CUL1: variants seen among roughly 807,000 people sequenced by gnomAD.
CUL1 encodes cullin 1.
A neutral mutation model predicts 118.0 loss-of-function variants in CUL1; 24 were observed. That is an observed-to-expected ratio of 0.20 (90% CI 0.15 to 0.29). The LOEUF (loss-of-function observed/expected upper bound fraction) is 0.29. Ranked by LOEUF, CUL1 falls within the 10% of genes least tolerant of loss-of-function variation. The pLI is 1.00. For synonymous variants in CUL1, 332 were observed against 340.4 expected (o/e 0.98, Z 0.27); for missense variants, 361 against 933.8 (o/e 0.39, Z 7.99).
intron 1 of CUL1, among the ~76,000 whole-genome samples, chr7:148,718,420 G>T (rs897618184): frequency 6.6e-6 from 1 of 152,106 alleles, no homozygotes; most frequent in Non-Finnish European, 1.5e-5. Flanking sequence ...CTACTAACCT[G>T]CTTTGTCTCT....
chr7:148,778,153 C>G (rs1178802877), intron 9 of CUL1, among the ~76,000 whole-genome samples: 2 of 141,804 alleles, frequency 1.4e-5, no homozygotes, highest in Admixed American at 1.5e-4. Context: ...GTGTTTTTGT[C>G]TCAGTATTTT....
intron 14 of CUL1, among the ~76,000 whole-genome samples, chr7:148,789,141 T>A (rs1000994489): frequency 1.3e-4 from 20 of 152,180 alleles, no homozygotes; most frequent in African/African-American, 4.8e-4. Flanking sequence ...GATGGCGGAT[T>A]TATGCTTACA....
chr7:148,753,484 A>G (rs1433126459), intron 2 of CUL1, among the ~76,000 whole-genome samples: 2 of 151,984 alleles, frequency 1.3e-5, no homozygotes, highest in Non-Finnish European at 2.9e-5. Context: ...TTAGATGGCT[A>G]TGACTATTGT....
intron 2 of CUL1, among the ~76,000 whole-genome samples, chr7:148,740,610 G>A (rs1013390175): frequency 2.0e-5 from 3 of 152,232 alleles, no homozygotes; most frequent in East Asian, 3.9e-4. Context: ...ATGATATGTG[G>A]TGTTATGGAC....
In CUL1 at chr7:148,772,711, G is replaced by C. The variant is rs966208392; in HGVS notation, c.1083+4962G>C. 2.6e-5 allele frequency among the ~76,000 whole-genome samples: 4 copies of C among 152,148 alleles called. No homozygotes were observed. The East Asian group carries it at 7.7e-4, about 29-fold the overall frequency. ...TAGTGCCTACATTGCAGGTTCATTT[G>C]AAACTCACCTCTTCTCCATTCCTTA... On this transcript the variant is annotated intron_variant, in intron 9 of 21. Coordinates refer to ENST00000325222, the MANE Select transcript of CUL1 (RefSeq NM_003592.3).
In CUL1 at chr7:148,783,964, A is replaced by T; in HGVS notation, c.1192-7A>T. 1.2e-6 allele frequency: 2 copies of T among 1,614,132 alleles called. No individual in the cohort carries two copies. Among genetic ancestry groups the T allele is most frequent in the Non-Finnish European group, 1.7e-6 (2 of 1,179,994 alleles). Reference sequence around the variant, plus strand: ...GTTTGTCTCTAACTATATTCCGTGTAACGCAGGCTTGTGGTCGCTTCATAA... The same window carrying T: ...GTTTGTCTCTAACTATATTCCGTGTTACGCAGGCTTGTGGTCGCTTCATAA... On this transcript the variant is annotated splice_polypyrimidine_tract_variant and splice_region_variant and intron_variant, in intron 10 of 21. Coordinates refer to ENST00000325222, the MANE Select transcript of CUL1 (RefSeq NM_003592.3).
At chr7:148,698,247 C>G (rs28364762), upstream of CUL1, 26,072 of 152,120 alleles carry the variant, frequency 0.17, 2,474 homozygotes, top group East Asian at 0.28. Flanking sequence ...AGTCCCTGTC[C>G]CGGTCGACAA....
intron 20 of CUL1, 109 bp downstream of exon 20, chr7:148,798,786 T>G: frequency 1.2e-6 from 1 of 862,260 alleles, no homozygotes; most frequent in Non-Finnish European, 2.0e-6. Flanking sequence ...GATTGCCAGA[T>G]GAATGGGTCT....
chr7:148,703,875 G>A (rs1284099477), intron 1 of CUL1, among the ~76,000 whole-genome samples: 1 of 152,028 alleles, frequency 6.6e-6, no homozygotes, highest in Non-Finnish European at 1.5e-5. Flanking sequence ...TTTTAGGGGG[G>A]TAAGCTTGGG....
intron 1 of CUL1, among the ~76,000 whole-genome samples, chr7:148,717,494 G>A (rs559273590): frequency 5.3e-5 from 8 of 151,830 alleles, no homozygotes; most frequent in African/African-American, 1.9e-4. Context: ...CAGTTACCAC[G>A]ATAACTGCTT....
At chr7:148,698,619 G>C (rs1400695429), upstream of CUL1, 1 of 151,882 alleles carries the variant, frequency 6.6e-6, no homozygotes. Flanking sequence ...GCGAGCGGGC[G>C]GGAGGGAGCT....
Position 148,717,043 on chromosome 7 carries a change from TTTTTGTTTTG to T in CUL1, c.-161-12893_-161-12884del, listed in dbSNP as rs371522501. Among the ~76,000 whole-genome samples, 1,075 of 150,732 alleles carry T rather than the reference TTTTTGTTTTG, an allele frequency of 7.1e-3. 24 individuals carry two copies. The highest frequency in any genetic ancestry group is 0.04 in the Admixed American group (608 of 15,094). On this transcript the variant is annotated intron_variant, in intron 1 of 21. Coordinates refer to ENST00000325222, the MANE Select transcript of CUL1 (RefSeq NM_003592.3). Reference sequence around the variant, plus strand: ...ATGTTGTTTTGAATTTTGTTTTTCATTTTTGTTTTGTTTTGTTTTGTTTTGTTTTGTTTTG... The same window carrying T: ...ATGTTGTTTTGAATTTTGTTTTTCATTTTTGTTTTGTTTTGTTTTGTTTTG...
In CUL1 at chr7:148,698,913, G is replaced by A. The variant is rs531026435; in HGVS notation, c.-278G>A. 1.3e-5 allele frequency: 2 copies of A among 153,974 alleles called. No individual in the cohort carries two copies. The highest frequency in any genetic ancestry group is 2.4e-5 in the African/African-American group (1 of 41,518). The allele number at this position is 153,974 out of a possible 1,614,324, so 9.5% of individuals were successfully genotyped here. Reference sequence around the variant, plus strand: ...GTCGCACGCAGCTCCAGGCGGGGCAGCCCCGGTAGCTGAGGGACGCAGCTA... The same window carrying A: ...GTCGCACGCAGCTCCAGGCGGGGCAACCCCGGTAGCTGAGGGACGCAGCTA... On this transcript the variant is annotated 5_prime_UTR_variant, in exon 1 of 22. Transcript: ENST00000325222.
intron 11 of CUL1, among the ~76,000 whole-genome samples, chr7:148,784,549 TCTC>T (rs1563168529): frequency 1.3e-5 from 2 of 152,212 alleles, no homozygotes; most frequent in South Asian, 2.1e-4. Flanking sequence ...TATATAGCTT[TCTC>T]CTCTGCGTGT....
At chr7:148,768,970 C>G (rs112930690) in intron 9 of CUL1, among the ~76,000 whole-genome samples, 1 of 152,114 alleles carries the variant, frequency 6.6e-6, no homozygotes, top group South Asian at 2.1e-4. Context: ...AGGGAACTGG[C>G]TCAGCCGTGG....
At chr7:148,799,237 C>G in intron 20 of CUL1, 38 bp from the exon 21 acceptor site, 1 of 1,495,394 alleles carries the variant, frequency 6.7e-7, no homozygotes, top group Non-Finnish European at 9.3e-7. Flanking sequence ...GTTGTTACAG[C>G]TCTAAATGCA....
chr7:148,781,745 C>T (rs1296797633), intron 9 of CUL1, among the ~76,000 whole-genome samples: 8 of 152,148 alleles, frequency 5.3e-5, no homozygotes, highest in Non-Finnish European at 8.8e-5. Flanking sequence ...AGGGTGAAGG[C>T]GTGTGGCAGG....
chr7:148,738,442 G>C (rs1337364799), intron 2 of CUL1, among the ~76,000 whole-genome samples: 1 of 152,220 alleles, frequency 6.6e-6, no homozygotes, highest in Non-Finnish European at 1.5e-5. Context: ...TGACAGAAGA[G>C]TTGTAGGACC....
chr7:148,792,849 A>C (rs1801063684), intron 17 of CUL1, 31 bp downstream of exon 17: 24 of 1,511,092 alleles, frequency 1.6e-5, no homozygotes, highest in Non-Finnish European at 2.2e-5. Flanking sequence ...TTGTTCTATC[A>C]GCTTGCCGTT....
Sources: gnomAD v4.1 joint callset for allele counts (sites outside exome capture counted in the v4.1 genomes callset) on GRCh38, gnomAD v4.1.1 for gene constraint, MANE v1.5 for transcripts, NCBI Gene and HGNC (gene_info 2026-07-23, HGNC 2026-07-21) for gene names.